The following ADAMTSL3 variants were observed in gnomAD, a reference collection of about 807,000 sequenced individuals.
ADAMTSL3 encodes ADAMTS like 3, also known as ADAMTS-like protein 3.
Under a neutral mutation model 201.7 loss-of-function variants are expected in ADAMTSL3, and 128 were observed. The observed-to-expected ratio is 0.63, with a 90% CI of 0.55 to 0.73. ADAMTSL3 has a LOEUF of 0.73. ADAMTSL3 is among the 30% of genes least tolerant of loss of function. The pLI is 0.00. For missense variants in ADAMTSL3, 1,990 were observed against 2,119.6 expected, an observed-to-expected ratio of 0.94 and a Z score of 1.20; for synonymous variants, 738 against 748.4, an observed-to-expected ratio of 0.99 and a Z score of 0.23.
At chr15:83,801,669 T>TATATAA (rs2063524207) in intron 4 of ADAMTSL3, among the ~76,000 whole-genome samples, 3 of 48,180 alleles carry the variant, frequency 6.2e-5, no homozygotes, top group Non-Finnish European at 1.3e-4. Context: ...TATATATATA[T>TATATAA]ATATATATAT....
chr15:83,937,898 G>A (rs2066489828), intron 17 of ADAMTSL3, among the ~76,000 whole-genome samples: 1 of 150,722 alleles, frequency 6.6e-6, no homozygotes, highest in Admixed American at 6.6e-5. Flanking sequence ...GATGCTAAGT[G>A]GTCCACAAAA....
In ADAMTSL3 at chr15:83,731,698, A is replaced by G. The variant is rs151012171; in HGVS notation, c.189+27190A>G. The stretch of plus-strand genomic sequence containing the variant: ...TGAATGGATAAAGAAAATGTGATGT[A>G]CATACATATATATAACTATATTATT... On this transcript the variant is annotated intron_variant, in intron 3 of 29. Transcript: ENST00000286744. Among the ~76,000 whole-genome samples, 378 of 152,144 alleles carry G rather than the reference A, an allele frequency of 2.5e-3. 1 individual carries two copies. Among genetic ancestry groups the G allele is most frequent in the African/African-American group, 8.8e-3 (366 of 41,552 alleles).
chr15:83,683,598 G>C (rs886882322), intron 2 of ADAMTSL3, among the ~76,000 whole-genome samples: 2 of 152,144 alleles, frequency 1.3e-5, no homozygotes, highest in African/African-American at 4.8e-5. Context: ...ACTCATTTGA[G>C]CATATGGTAT....
At chr15:83,916,407 A>G (rs949999931) in intron 16 of ADAMTSL3, among the ~76,000 whole-genome samples, 1 of 152,246 alleles carries the variant, frequency 6.6e-6, no homozygotes, top group Admixed American at 6.5e-5. Flanking sequence ...AGTCCATCAT[A>G]AAGCCAAAAA....
intron 3 of ADAMTSL3, among the ~76,000 whole-genome samples, chr15:83,741,032 T>C (rs1227987003): frequency 6.6e-6 from 1 of 152,078 alleles, no homozygotes; most frequent in Non-Finnish European, 1.5e-5. Context: ...ATGTATTTCC[T>C]ATGTAATATT....
chr15:83,936,331 A>T (rs2066460123), intron 17 of ADAMTSL3, among the ~76,000 whole-genome samples: 1 of 150,862 alleles, frequency 6.6e-6, no homozygotes, highest in South Asian at 2.1e-4. Flanking sequence ...AACAGAGGGG[A>T]AAACAGAATA....
At chr15:83,945,968 C>G (rs938354620) in intron 19 of ADAMTSL3, 6 of 152,222 alleles carry the variant, frequency 3.9e-5, no homozygotes, top group African/African-American at 1.4e-4. Flanking sequence ...GTAGTGACTT[C>G]TTTGATCAAG....
intron 4 of ADAMTSL3, among the ~76,000 whole-genome samples, chr15:83,801,030 C>G (rs1198704821): frequency 2.6e-5 from 4 of 152,238 alleles, no homozygotes; most frequent in South Asian, 4.1e-4. Context: ...TTCTCCACAC[C>G]AGTACATTTT....
At chr15:83,678,764 G>GTA (rs1276399286) in intron 2 of ADAMTSL3, among the ~76,000 whole-genome samples, 7 of 134,762 alleles carry the variant, frequency 5.2e-5, no homozygotes, top group South Asian at 2.3e-4. Flanking sequence ...TATATATTGT[G>GTA]TATATATATA....
At chr15:84,005,155 A>G (rs2067871491) in intron 23 of ADAMTSL3, among the ~76,000 whole-genome samples, 1 of 152,164 alleles carries the variant, frequency 6.6e-6, no homozygotes, top group African/African-American at 2.4e-5. Context: ...CGGCCTTGAG[A>G]TGTCACCCCA....
intron 17 of ADAMTSL3, among the ~76,000 whole-genome samples, chr15:83,933,597 A>T (rs755168525): frequency 6.6e-6 from 1 of 152,242 alleles, no homozygotes; most frequent in Non-Finnish European, 1.5e-5. Flanking sequence ...AAAAATTTGT[A>T]TAAGTAACAA....
chr15:83,741,224 C>T (rs1008633060), intron 3 of ADAMTSL3, among the ~76,000 whole-genome samples: 3 of 150,516 alleles, frequency 2.0e-5, no homozygotes, highest in Admixed American at 1.3e-4. Flanking sequence ...AATTATAATA[C>T]ACTAAATATT....
chr15:83,855,942 T>G (rs990036392), intron 7 of ADAMTSL3, among the ~76,000 whole-genome samples: 2 of 151,686 alleles, frequency 1.3e-5, no homozygotes, highest in African/African-American at 2.4e-5. Context: ...GCCCAGGAGG[T>G]AGAGGCTGCA....
At chr15:84,028,707 AAGG>A (rs1327745626) in intron 27 of ADAMTSL3, among the ~76,000 whole-genome samples, 18 of 152,166 alleles carry the variant, frequency 1.2e-4, no homozygotes, top group African/African-American at 4.3e-4. Context: ...TTGTGGGAGA[AAGG>A]AGGGTGATAT....
chr15:83,813,605 C>T (rs1356206647), intron 5 of ADAMTSL3, among the ~76,000 whole-genome samples: 1 of 152,120 alleles, frequency 6.6e-6, no homozygotes, highest in Non-Finnish European at 1.5e-5. Flanking sequence ...CACCACTCTC[C>T]CTGACAATTC....
At chr15:83,958,326 C>G (rs535810238) in intron 19 of ADAMTSL3, among the ~76,000 whole-genome samples, 1 of 152,218 alleles carries the variant, frequency 6.6e-6, no homozygotes, top group East Asian at 1.9e-4. Flanking sequence ...CACTAAAGGG[C>G]TTAAGAAGTG....
chr15:83,957,894 G>C (rs943822969), intron 19 of ADAMTSL3, among the ~76,000 whole-genome samples: 2 of 152,122 alleles, frequency 1.3e-5, no homozygotes, highest in Non-Finnish European at 2.9e-5. Context: ...ATTGACAGTA[G>C]TCCCTTTAAA....
intron 25 of ADAMTSL3, among the ~76,000 whole-genome samples, chr15:84,017,048 C>T (rs1015282303): frequency 1.3e-5 from 2 of 152,106 alleles, no homozygotes; most frequent in Non-Finnish European, 2.9e-5. Flanking sequence ...CCTTGTAGCT[C>T]AAAAATGGGT....
At chr15:83,765,118 C>G (rs1252569321) in intron 3 of ADAMTSL3, among the ~76,000 whole-genome samples, 1 of 152,196 alleles carries the variant, frequency 6.6e-6, no homozygotes, top group East Asian at 1.9e-4. Context: ...CGGAGCATTT[C>G]TCAACAGTAC....
Sources: gnomAD v4.1 joint callset for allele counts (sites outside exome capture counted in the v4.1 genomes callset) on GRCh38, gnomAD v4.1.1 for gene constraint, MANE v1.5 for transcripts, NCBI Gene and HGNC (gene_info 2026-07-23, HGNC 2026-07-21) for gene names.